ZRSR2: variants seen among roughly 807,000 people sequenced by gnomAD.
ZRSR2 encodes U2 small nuclear ribonucleoprotein auxiliary factor 35 kDa subunit-related protein 2.
In ZRSR2, 3 loss-of-function variants were observed where a neutral mutation model predicts 39.4. That is an observed-to-expected ratio of 0.08 (90% CI 0.03 to 0.20). The LOEUF (loss-of-function observed/expected upper bound fraction) is 0.20, where lower values mean the gene tolerates loss of function less well. ZRSR2 is among the 10% of genes least tolerant of loss of function. The probability of loss-of-function intolerance (pLI) is 1.00; values close to 1 mark genes in which losing one functional copy is unlikely to be tolerated. For missense variants in ZRSR2, 256 were observed against 391.5 expected (o/e 0.65, Z 2.92); for synonymous variants, 137 against 136.0 (o/e 1.01, Z -0.05).
chrX:15,815,378 C>T (rs1004296128), intron 7 of ZRSR2, among the ~76,000 whole-genome samples: 3 of 112,622 alleles, frequency 2.7e-5, no homozygotes, highest in Non-Finnish European at 5.6e-5. Context: ...CTCACTGTAA[C>T]CTCCGCCACC....
At chrX:15,796,785 T>A (rs12841436) in intron 2 of ZRSR2, among the ~76,000 whole-genome samples, 1 of 2,125 alleles carries the variant, frequency 4.7e-4, no homozygotes, top group Non-Finnish European at 1.6e-3. Flanking sequence ...TTTCAAATCG[T>A]TTTTTTTTTT....
At chrX:15,815,211 T>C (rs1181513544) in intron 7 of ZRSR2, among the ~76,000 whole-genome samples, 4 of 112,924 alleles carry the variant, frequency 3.5e-5, no homozygotes, top group Non-Finnish European at 7.5e-5. Flanking sequence ...AAACTTGGCA[T>C]CTGAGTGGGG....
chrX:15,821,285 C>T (rs1331674840), intron 10 of ZRSR2, among the ~76,000 whole-genome samples: 1 of 108,973 alleles, frequency 9.2e-6, no homozygotes, highest in Non-Finnish European at 1.9e-5. Flanking sequence ...CAGTGAGGAG[C>T]TTCTGAGTGT....
At position 15,791,018 on chromosome X, in the gene ZRSR2, T is replaced by C. The variant is rs769121357; in HGVS notation, c.121+5T>C. 2.5e-6 allele frequency: 3 copies of C among 1,202,241 alleles called. No individual in the cohort carries two copies. The highest frequency in any genetic ancestry group is 3.4e-6 in the Non-Finnish European group (3 of 887,011). On this transcript the variant is annotated splice_donor_5th_base_variant and intron_variant, in intron 2 of 10. Transcript: ENST00000307771. Reference sequence around the variant, plus strand: ...TTGCTCGACTGAGAGACTCAGGTGATGGACTCTTTATTCTGTTTTCTGTGT... The same window carrying C: ...TTGCTCGACTGAGAGACTCAGGTGACGGACTCTTTATTCTGTTTTCTGTGT...
intron 2 of ZRSR2, among the ~76,000 whole-genome samples, chrX:15,794,530 C>T (rs1932386271): frequency 9.0e-6 from 1 of 111,369 alleles, no homozygotes; most frequent in Non-Finnish European, 1.9e-5. Context: ...AAGAAAATCC[C>T]GAGGAGGAGA....
intron 2 of ZRSR2, among the ~76,000 whole-genome samples, chrX:15,793,793 C>T (rs952842026): frequency 2.7e-5 from 3 of 112,489 alleles, no homozygotes; most frequent in African/African-American, 9.7e-5. Flanking sequence ...CCACCTTGGC[C>T]TCCCAAAGTG....
intron 5 of ZRSR2, among the ~76,000 whole-genome samples, chrX:15,807,537 G>A (rs940135456): frequency 2.8e-5 from 3 of 108,339 alleles, no homozygotes; most frequent in African/African-American, 1.0e-4. Flanking sequence ...TGATCCACCC[G>A]CCTCAGCCTC....
chrX:15,806,507 A>C (rs1932783675), intron 5 of ZRSR2, among the ~76,000 whole-genome samples: 1 of 110,826 alleles, frequency 9.0e-6, no homozygotes, highest in African/African-American at 3.3e-5. Context: ...GCTTACTGCA[A>C]CCTCTGCCTC....
intron 3 of ZRSR2, among the ~76,000 whole-genome samples, chrX:15,802,840 C>G (rs993231172): frequency 1.8e-5 from 2 of 111,689 alleles, no homozygotes; most frequent in African/African-American, 6.5e-5. Context: ...CTTTTATTTT[C>G]CTTCTTTTGG....
intron 2 of ZRSR2, among the ~76,000 whole-genome samples, chrX:15,793,928 G>A (rs1212876665): frequency 1.8e-5 from 2 of 112,500 alleles, no homozygotes; most frequent in African/African-American, 3.2e-5. Context: ...GAGTGCCTTG[G>A]CAAATGATTG....
At chrX:15,814,616 C>T (rs1485086655) in intron 7 of ZRSR2, among the ~76,000 whole-genome samples, 3 of 111,860 alleles carry the variant, frequency 2.7e-5, no homozygotes, top group African/African-American at 9.8e-5. Flanking sequence ...TGTAACAGAA[C>T]AAGACCCTGT....
chrX:15,807,586 G>A (rs1234912889), intron 5 of ZRSR2, among the ~76,000 whole-genome samples: 5 of 109,653 alleles, frequency 4.6e-5, no homozygotes, highest in Admixed American at 9.8e-5. Flanking sequence ...CACCATGCCC[G>A]GCCTAGCATT....
At chrX:15,815,371 A>G (rs1415661390) in intron 7 of ZRSR2, among the ~76,000 whole-genome samples, 2 of 112,701 alleles carry the variant, frequency 1.8e-5, no homozygotes, top group Non-Finnish European at 1.9e-5. Context: ...ATCTCAGCTC[A>G]CTGTAACCTC....
At chrX:15,820,945 T>A (rs1314256007) in intron 10 of ZRSR2, among the ~76,000 whole-genome samples, 1 of 111,680 alleles carries the variant, frequency 9.0e-6, no homozygotes, top group African/African-American at 3.3e-5. Context: ...GGCCTAGTTA[T>A]GTTCTGATTT....
In ZRSR2 at chrX:15,823,102, C is replaced by G. The variant is rs745810533; in HGVS notation, c.1309C>G (p.Arg437Gly). The change falls in exon 11 of 11, where the codon CGG (arginine) becomes GGG (glycine). Residue 437 changes from arginine to glycine, a missense_variant. By Grantham distance (125) the Arg-to-Gly change is moderately radical. Coordinates refer to ENST00000307771, the MANE Select transcript of ZRSR2 (RefSeq NM_005089.4). ...CCGCAGCAGGGACCGCAGCCGGGGC[C>G]GGGGCAGCCGGAGCCGGAGCCGGAG... Reference protein sequence around the residue: ...RDRSRDRSRGRGSRSRSRSRS... With the variant: ...RDRSRDRSRGGGSRSRSRSRS... 1.8e-5 allele frequency: 22 copies of G among 1,197,417 alleles called. No individual in the cohort carries two copies. The highest frequency in any genetic ancestry group is 2.5e-4 in the Middle Eastern group (1 of 4,064).
chrX:15,797,368 G>T (rs12846957), intron 2 of ZRSR2, among the ~76,000 whole-genome samples: 1 of 107,582 alleles, frequency 9.3e-6, no homozygotes, highest in South Asian at 4.1e-4. Context: ...CTGCCACCAC[G>T]CCCGGCTAAT....
rs372992384 is a variant in ZRSR2 at position 15,815,803 on chromosome X, C to T, written c.684C>T (p.Ser228=). The change falls in exon 8 of 11, where the codon AGC becomes AGT. Residue 228 remains serine (S), a synonymous_variant. Transcript: ENST00000307771. ...ACCCTGACGCAAGCCTGGAGTACAG[C>T]GAGGAAGAAACCTACCAACAGTTCC... ...DYDPDASLEY[S]EEETYQQFLD... 3.3e-5 allele frequency: 40 copies of T among 1,209,373 alleles called. No individual in the cohort carries two copies. The highest frequency in any genetic ancestry group is 1.8e-4 in the South Asian group (10 of 56,743).
chrX:15,820,394 T>A, intron 10 of ZRSR2, 78 bp downstream of exon 10: 1 of 952,893 alleles, frequency 1.0e-6, no homozygotes. Flanking sequence ...GGAAACCCAG[T>A]ATTTTCAAGT....
chrX:15,805,669 C>A (rs748742542), intron 5 of ZRSR2, among the ~76,000 whole-genome samples: 6 of 111,548 alleles, frequency 5.4e-5, no homozygotes, highest in African/African-American at 2.0e-4. Context: ...TGGTGGCTCA[C>A]GCCTGTAATC....
Sources: gnomAD v4.1 joint callset for allele counts (sites outside exome capture counted in the v4.1 genomes callset) on GRCh38, gnomAD v4.1.1 for gene constraint, MANE v1.5 for transcripts, NCBI Gene and HGNC (gene_info 2026-07-23, HGNC 2026-07-21) for gene names.